DPYD: variants seen among roughly 807,000 people sequenced by gnomAD.
DPYD encodes dihydropyrimidine dehydrogenase [NADP(+)].
Under a neutral mutation model 116.2 loss-of-function variants are expected in DPYD, and 109 were observed. The ratio of observed to expected loss-of-function variants is 0.94; its 90% CI spans 0.80 to 1.10. The LOEUF is 1.10. DPYD is among the 50% of genes least tolerant of loss of function. The probability of loss-of-function intolerance (pLI) is 0.00; values close to 1 mark genes in which losing one functional copy is unlikely to be tolerated. For missense variants in DPYD, 1,302 were observed against 1,254.5 expected, an observed-to-expected ratio of 1.04 and a Z score of -0.57; for synonymous variants, 440 against 432.0, an observed-to-expected ratio of 1.02 and a Z score of -0.23.
At chr1:97,758,399 T>C (rs1317317893) in intron 3 of DPYD, among the ~76,000 whole-genome samples, 1 of 151,532 alleles carries the variant, frequency 6.6e-6, no homozygotes, top group Admixed American at 6.6e-5. Flanking sequence ...GGGAAATTGA[T>C]AATCACCAAA....
At chr1:97,112,726 C>T (rs1651689378) in intron 20 of DPYD, among the ~76,000 whole-genome samples, 1 of 152,146 alleles carries the variant, frequency 6.6e-6, no homozygotes, top group Admixed American at 6.6e-5. Context: ...ATTCTTCTCA[C>T]TCTCTAACTA....
At chr1:97,421,495 T>G (rs1674580471) in intron 14 of DPYD, among the ~76,000 whole-genome samples, 1 of 152,098 alleles carries the variant, frequency 6.6e-6, no homozygotes, top group African/African-American at 2.4e-5. Context: ...AAACTTTGGG[T>G]GTTTGAGAAA....
At chr1:97,497,671 CAACA>C (rs1679347176) in intron 13 of DPYD, among the ~76,000 whole-genome samples, 1 of 151,634 alleles carries the variant, frequency 6.6e-6, no homozygotes, top group Admixed American at 6.6e-5. Context: ...AAAAGATGAA[CAACA>C]AACAACAATG....
intron 11 of DPYD, among the ~76,000 whole-genome samples, chr1:97,570,543 G>A (rs1652822478): frequency 6.6e-6 from 1 of 151,808 alleles, no homozygotes; most frequent in Non-Finnish European, 1.5e-5. Flanking sequence ...GTTGAGAAGT[G>A]GAAGCTTTAT....
At chr1:97,228,285 T>A (rs996319441) in intron 19 of DPYD, among the ~76,000 whole-genome samples, 50 of 152,222 alleles carry the variant, frequency 3.3e-4, no homozygotes, top group African/African-American at 1.2e-3. Context: ...AAAGAAGGTA[T>A]GCGCTATCAC....
chr1:97,777,495 A>T (rs1242666682), intron 3 of DPYD, among the ~76,000 whole-genome samples: 2 of 152,216 alleles, frequency 1.3e-5, no homozygotes, highest in Non-Finnish European at 2.9e-5. Context: ...ACAGATGATC[A>T]AGTTCAATGT....
Position 97,450,131 on chromosome 1 carries a change from C to T in DPYD, c.1833G>A (p.Glu611=). Residue 611 remains glutamate (E), a synonymous_variant, in exon 14 of 23, where the codon GAG becomes GAA. Coordinates refer to ENST00000370192, the MANE Select transcript of DPYD (RefSeq NM_000110.4). ...ATGCAGCCGTTTTCTCACTGATGAG[C>T]TCAATATTCAGAAAGGAGCTTTGTC... The part of the protein sequence containing the change: ...GPGQSSFLNI[E]LISEKTAAYW... The T allele has an allele frequency of 6.2e-7, 1 of 1,613,958 alleles. No individual in the cohort carries two copies. The highest frequency in any genetic ancestry group is 8.5e-7 in the Non-Finnish European group (1 of 1,179,908).
intron 21 of DPYD, among the ~76,000 whole-genome samples, chr1:97,097,730 T>G (rs1650367847): frequency 6.6e-6 from 1 of 152,118 alleles, no homozygotes; most frequent in Non-Finnish European, 1.5e-5. Context: ...GACAAAATTG[T>G]ACAGAACTAA....
intron 14 of DPYD, among the ~76,000 whole-genome samples, chr1:97,425,601 G>A (rs763787380): frequency 1.3e-5 from 2 of 151,968 alleles, no homozygotes; most frequent in Non-Finnish European, 2.9e-5. Flanking sequence ...AGATGTCTAC[G>A]AAGGCATCTA....
rs1198651396 is a variant in DPYD at position 97,549,736 on chromosome 1, C to T, written c.1348G>A (p.Ala450Thr). 1 of 1,613,432 alleles carries T rather than the reference C, an allele frequency of 6.2e-7. No individual in the cohort carries two copies. The highest frequency in any genetic ancestry group is 1.3e-5 in the African/African-American group (1 of 75,004). Residue 450 changes from alanine to threonine, a missense_variant, in exon 12 of 23, where the codon GCC becomes ACC. Transcript: ENST00000370192. ...CTGTTAAATTTTATAGGGCTCAAGGCTTCTTTTACTGAAAAAACAAGTGAA... is the reference window on the plus strand; with the variant it reads ...CTGTTAAATTTTATAGGGCTCAAGGTTTCTTTTACTGAAAAAACAAGTGAA... ...SVLSDPKVKE[A>T]LSPIKFNRWG...
At chr1:97,738,789 A>G (rs1222077066) in intron 4 of DPYD, among the ~76,000 whole-genome samples, 1 of 152,116 alleles carries the variant, frequency 6.6e-6, no homozygotes, top group Non-Finnish European at 1.5e-5. Flanking sequence ...TAGATATCTA[A>G]GCACAACGTT....
chr1:97,077,883 T>C lies in DPYD; in HGVS notation c.*1093A>G, dbSNP rs2101546346. The C allele has an allele frequency of 6.6e-6, 1 of 152,264 alleles. No individual in the cohort carries two copies. Among genetic ancestry groups the C allele is most frequent in the Non-Finnish European group, 1.5e-5 (1 of 68,002 alleles). The allele number at this position is 152,264 out of a possible 1,614,324, so 9.4% of individuals were successfully genotyped here. On this transcript the variant is annotated 3_prime_UTR_variant, in exon 23 of 23. Coordinates refer to ENST00000370192, the MANE Select transcript of DPYD (RefSeq NM_000110.4). The stretch of plus-strand genomic sequence containing the variant: ...GTCATAGAAATAAGCCATAGATTGT[T>C]ACTTTCTGATTTACTACTTATAGAT...
At chr1:97,377,235 T>A (rs998213498) in intron 15 of DPYD, among the ~76,000 whole-genome samples, 1 of 152,100 alleles carries the variant, frequency 6.6e-6, no homozygotes, top group African/African-American at 2.4e-5. Context: ...AGAAAGTTTA[T>A]TTTTTACAGT....
intron 16 of DPYD, among the ~76,000 whole-genome samples, chr1:97,346,826 C>G (rs1286584812): frequency 6.6e-6 from 1 of 151,710 alleles, no homozygotes; most frequent in Non-Finnish European, 1.5e-5. Context: ...TGTCAAAACC[C>G]CTATCTTAAG....
intron 19 of DPYD, among the ~76,000 whole-genome samples, chr1:97,230,453 G>C (rs1033762638): frequency 2.0e-5 from 3 of 152,210 alleles, no homozygotes; most frequent in Admixed American, 1.3e-4. Context: ...TGAACACATA[G>C]AGGGGAATGA....
chr1:97,650,342 T>C (rs551811936), intron 8 of DPYD, among the ~76,000 whole-genome samples: 1 of 152,260 alleles, frequency 6.6e-6, no homozygotes, highest in African/African-American at 2.4e-5. Flanking sequence ...CTAAGAACAA[T>C]GTTTCCTCTT....
intron 2 of DPYD, among the ~76,000 whole-genome samples, chr1:97,852,453 T>G (rs1323289586): frequency 6.6e-6 from 1 of 152,134 alleles, no homozygotes; most frequent in African/African-American, 2.4e-5. Context: ...TTTTCCAAAA[T>G]TCAGTTTTCC....
rs1557912268 is a variant in DPYD, at chr1:97,173,385, CGT to C, written c.2622+19682_2622+19683del. 1.4e-4 allele frequency among the ~76,000 whole-genome samples: 17 copies of C among 121,748 alleles called. No homozygotes were observed. In the South Asian group the frequency reaches 2.6e-3, roughly 19 times the overall value. 79.9% of individuals were successfully genotyped at this position (121,748 alleles called of 152,430 possible). ...ATATATACATATATGTGTGTATATA[CGT>C]ACATATATGTGTGTATATACGTACG... On this transcript the variant is annotated intron_variant, in intron 20 of 22. Coordinates refer to ENST00000370192, the MANE Select transcript of DPYD (RefSeq NM_000110.4).
intron 10 of DPYD, among the ~76,000 whole-genome samples, chr1:97,588,772 C>T (rs1051063504): frequency 5.9e-5 from 9 of 152,106 alleles, no homozygotes; most frequent in African/African-American, 2.2e-4. Context: ...TGTGAGGCCA[C>T]AAGGGAGCTG....
Sources: allele counts gnomAD v4.1 joint callset (sites outside exome capture counted in the v4.1 genomes callset), GRCh38; gene constraint gnomAD v4.1.1; transcripts MANE v1.5; gene names NCBI Gene and HGNC (gene_info 2026-07-23, HGNC 2026-07-21).